DACH2: variants seen among roughly 807,000 people sequenced by gnomAD.
DACH2 encodes the protein dachshund homolog 2.
A neutral mutation model predicts 35.8 loss-of-function variants in DACH2; 17 were observed. The observed-to-expected ratio is 0.48, with a 90% CI of 0.33 to 0.71. The LOEUF is 0.71. DACH2 is among the 30% of genes least tolerant of loss of function. The probability of loss-of-function intolerance (pLI) is 0.02; values close to 1 mark genes in which losing one functional copy is unlikely to be tolerated. For missense variants in DACH2, 469 were observed against 472.7 expected, an observed-to-expected ratio of 0.99 and a Z score of 0.07; for synonymous variants, 195 against 177.3, an observed-to-expected ratio of 1.10 and a Z score of -0.79.
At chrX:86,427,958 G>A (rs190854123) in intron 2 of DACH2, among the ~76,000 whole-genome samples, 101 of 111,635 alleles carry the variant, frequency 9.0e-4, no homozygotes, top group African/African-American at 3.2e-3. Flanking sequence ...TTCAGAAATT[G>A]ACCTTGAACA....
At chrX:86,729,309 T>G (rs770762321) in intron 6 of DACH2, among the ~76,000 whole-genome samples, 1 of 112,310 alleles carries the variant, frequency 8.9e-6, no homozygotes, top group Non-Finnish European at 1.9e-5. Context: ...TTCTCTCTTT[T>G]GGAACATGAA....
Position 86,158,631 on chromosome X carries a change from C to T in DACH2, c.488+9523C>T, listed in dbSNP as rs148068523. On this transcript the variant is annotated intron_variant, in intron 1 of 11. Transcript: ENST00000373125. ...GGTGCTGTGAACGAAATGAACAAAA[C>T]GGTCTGTTCTTTCATGGACCATACA... Among the ~76,000 whole-genome samples, 658 of 109,839 alleles carry T rather than the reference C, an allele frequency of 6.0e-3. 6 individuals carry two copies. The highest frequency in any genetic ancestry group is 0.02 in the African/African-American group (592 of 30,176).
At chrX:86,307,308 T>C (rs1268245610) in intron 1 of DACH2, among the ~76,000 whole-genome samples, 1 of 111,790 alleles carries the variant, frequency 8.9e-6, no homozygotes, top group South Asian at 3.7e-4. Context: ...TAGACACAAG[T>C]TCTTATCATG....
chrX:86,617,654 T>C lies in DACH2; in HGVS notation c.641-33382T>C, dbSNP rs1289890483. Among the ~76,000 whole-genome samples the C allele has an allele frequency of 2.7e-5, 3 of 111,877 alleles. No individual in the cohort carries two copies. In the East Asian group the frequency reaches 8.4e-4, roughly 31 times the overall value. On this transcript the variant is annotated intron_variant, in intron 3 of 11. Coordinates refer to ENST00000373125, the MANE Select transcript of DACH2 (RefSeq NM_053281.3). ...TGGTACATGTTAAGCATGCATATGTTGACAAAATATTATTAGAAAAACTGC... is the reference window on the plus strand; with the variant it reads ...TGGTACATGTTAAGCATGCATATGTCGACAAAATATTATTAGAAAAACTGC...
intron 1 of DACH2, among the ~76,000 whole-genome samples, chrX:86,254,795 T>TATATATATATATATATATATATATATAC: frequency 1.5e-5 from 1 of 66,889 alleles, no homozygotes; most frequent in African/African-American, 7.2e-5. Flanking sequence ...TATATATATA[T>TATATATATATATATATATATATATATAC]ATATATATAT....
chrX:86,438,124 A>G (rs982617892), intron 2 of DACH2, among the ~76,000 whole-genome samples: 3 of 109,238 alleles, frequency 2.7e-5, no homozygotes, highest in Non-Finnish European at 5.7e-5. Flanking sequence ...ACAAGTGAGA[A>G]CATCTGGTAT....
chrX:86,204,883 C>A (rs2032245761), intron 1 of DACH2, among the ~76,000 whole-genome samples: 1 of 111,421 alleles, frequency 9.0e-6, no homozygotes. Context: ...AAAATTTGGT[C>A]TAGTTTTGTT....
At chrX:86,527,916 T>C (rs996940134) in intron 3 of DACH2, among the ~76,000 whole-genome samples, 3 of 112,201 alleles carry the variant, frequency 2.7e-5, no homozygotes, top group African/African-American at 9.7e-5. Flanking sequence ...GCCAACATAC[T>C]GTCTCCTGTC....
intron 1 of DACH2, among the ~76,000 whole-genome samples, chrX:86,350,187 G>C (rs1386976257): frequency 5.8e-5 from 1 of 17,377 alleles, no homozygotes; most frequent in Non-Finnish European, 1.0e-4. Flanking sequence ...ACAAGTGTCT[G>C]TTCATGTCCT....
At chrX:86,306,025 G>A (rs1450717273) in intron 1 of DACH2, among the ~76,000 whole-genome samples, 2 of 111,940 alleles carry the variant, frequency 1.8e-5, no homozygotes, top group Admixed American at 1.9e-4. Flanking sequence ...AGTCATATGG[G>A]AAATACTATG....
intron 1 of DACH2, among the ~76,000 whole-genome samples, chrX:86,213,642 C>G (rs2032500595): frequency 9.0e-6 from 1 of 110,667 alleles, no homozygotes; most frequent in South Asian, 3.8e-4. Flanking sequence ...CAATTTACGC[C>G]CATGCCTAAG....
At chrX:86,709,617 A>G (rs1602830803) in intron 5 of DACH2, among the ~76,000 whole-genome samples, 1 of 112,111 alleles carries the variant, frequency 8.9e-6, no homozygotes, top group South Asian at 3.7e-4. Flanking sequence ...AAAACAAACA[A>G]CAGAGTAGGA....
At chrX:86,391,110 G>A (rs1438741298) in intron 2 of DACH2, among the ~76,000 whole-genome samples, 2 of 104,513 alleles carry the variant, frequency 1.9e-5, no homozygotes, top group Non-Finnish European at 3.9e-5. Flanking sequence ...GTGAAACTCC[G>A]TCTCTACTAA....
chrX:86,468,783 C>T (rs781592810), intron 2 of DACH2, among the ~76,000 whole-genome samples: 2 of 111,380 alleles, frequency 1.8e-5, no homozygotes, highest in South Asian at 7.5e-4. Context: ...GGCCACTATA[C>T]AAAACAGTAT....
intron 1 of DACH2, among the ~76,000 whole-genome samples, chrX:86,375,743 T>A (rs919984926): frequency 1.8e-5 from 2 of 108,731 alleles, no homozygotes; most frequent in Non-Finnish European, 3.8e-5. Context: ...TATATTTTCA[T>A]TTTTTTTAGA....
At chrX:86,541,579 G>C (rs1406085553) in intron 3 of DACH2, among the ~76,000 whole-genome samples, 3 of 110,877 alleles carry the variant, frequency 2.7e-5, no homozygotes, top group Non-Finnish European at 5.7e-5. Flanking sequence ...TTTGATAAAT[G>C]GAAGAAAAAC....
At chrX:86,360,555 A>G (rs755165245) in intron 1 of DACH2, among the ~76,000 whole-genome samples, 30 of 111,818 alleles carry the variant, frequency 2.7e-4, no homozygotes, top group African/African-American at 9.4e-4. Context: ...ACATTTTATC[A>G]TATCAACCCA....
intron 2 of DACH2, among the ~76,000 whole-genome samples, chrX:86,473,653 T>A (rs2037794733): frequency 9.0e-6 from 1 of 111,450 alleles, no homozygotes; most frequent in Non-Finnish European, 1.9e-5. Flanking sequence ...TTATTTCACT[T>A]AGCATAATAA....
chrX:86,285,246 G>T (rs1047200449), intron 1 of DACH2, among the ~76,000 whole-genome samples: 1 of 111,052 alleles, frequency 9.0e-6, no homozygotes, highest in African/African-American at 3.3e-5. Flanking sequence ...TGCTTTTGTA[G>T]TTCTTTAAGA....
Sources: allele counts gnomAD v4.1 joint callset (sites outside exome capture counted in the v4.1 genomes callset), GRCh38; gene constraint gnomAD v4.1.1; transcripts MANE v1.5; gene names NCBI Gene and HGNC (gene_info 2026-07-23, HGNC 2026-07-21).